DNAJC27: variants seen among roughly 807,000 people sequenced by gnomAD.
DNAJC27 encodes the protein dnaJ homolog subfamily C member 27.
Under a neutral mutation model 31.4 loss-of-function variants are expected in DNAJC27, and 25 were observed. The observed-to-expected ratio is 0.80, with a 90% CI of 0.58 to 1.11. The LOEUF (loss-of-function observed/expected upper bound fraction) is 1.11, where lower values mean the gene tolerates loss of function less well. Ranked by LOEUF, DNAJC27 falls within the 50% of genes most tolerant of loss-of-function variation. DNAJC27 has a pLI of 0.00. For synonymous variants in DNAJC27, 106 were observed against 112.7 expected, an observed-to-expected ratio of 0.94 and a Z score of 0.37; for missense variants, 356 against 347.3, an observed-to-expected ratio of 1.02 and a Z score of -0.20.
At chr2:24,955,678 G>C (rs574880801) in intron 5 of DNAJC27, among the ~76,000 whole-genome samples, 1 of 152,210 alleles carries the variant, frequency 6.6e-6, no homozygotes, top group South Asian at 2.1e-4. Context: ...AAGCAGCCAG[G>C]GGGTAAAAAG....
chr2:24,950,375 G>T (rs1665739224), intron 6 of DNAJC27, among the ~76,000 whole-genome samples: 1 of 152,108 alleles, frequency 6.6e-6, no homozygotes, highest in Non-Finnish European at 1.5e-5. Flanking sequence ...TGAAGTATGT[G>T]GGGGGAGTCT....
chr2:24,954,349 ACC>A (rs1665853776), intron 5 of DNAJC27, among the ~76,000 whole-genome samples: 2 of 152,264 alleles, frequency 1.3e-5, no homozygotes, highest in South Asian at 4.2e-4. Context: ...TATTGCCTTA[ACC>A]CCTCATTAAT....
rs774435283 is a variant in DNAJC27 at position 24,967,202 on chromosome 2, T to C, written c.170+9A>G. On this transcript the variant is annotated intron_variant, in intron 2 of 6. Transcript: ENST00000264711. ...GTAACTTACAAACCCAGGGAAACAATATACTTACTTTGTGACTCCATAGTC... is the reference window on the plus strand; with the variant it reads ...GTAACTTACAAACCCAGGGAAACAACATACTTACTTTGTGACTCCATAGTC... 21 of 1,607,420 alleles carry C rather than the reference T, an allele frequency of 1.3e-5. No individual in the cohort carries two copies. In the African/African-American group the frequency reaches 1.3e-4, roughly 10 times the overall value.
At position 24,957,155 on chromosome 2, in the gene DNAJC27, G is replaced by C; in HGVS notation, c.416C>G (p.Thr139Ser). ...FVVCANKIDC[T>S]KHRCVDESEG... ...ACTTTCATCTACACAGCGATGTTTGGTACAATCAATCTGAAATAGAAGGGG... is the reference window on the plus strand; with the variant it reads ...ACTTTCATCTACACAGCGATGTTTGCTACAATCAATCTGAAATAGAAGGGG... Residue 139 changes from threonine (T) to serine (S), a missense_variant, in exon 5 of 7, where the codon ACC (threonine) becomes AGC (serine). Coordinates refer to ENST00000264711, the MANE Select transcript of DNAJC27 (RefSeq NM_016544.3). The C allele has an allele frequency of 6.3e-7, 1 of 1,599,110 alleles. No homozygotes were observed. The highest frequency in any genetic ancestry group is 8.5e-7 in the Non-Finnish European group (1 of 1,175,186).
intron 5 of DNAJC27, among the ~76,000 whole-genome samples, chr2:24,956,280 T>G (rs1328537770): frequency 6.6e-6 from 1 of 152,224 alleles, no homozygotes. Context: ...AAAACTACAT[T>G]ATTCATGCTA....
intron 5 of DNAJC27, among the ~76,000 whole-genome samples, chr2:24,956,485 A>G (rs1262807267): frequency 2.0e-5 from 3 of 152,088 alleles, no homozygotes; most frequent in Non-Finnish European, 4.4e-5. Context: ...GACTGGATGG[A>G]GTCTATACTG....
rs151308563 is a variant in DNAJC27, at chr2:24,945,224, T to C, written c.*2392A>G. On this transcript the variant is annotated 3_prime_UTR_variant, in exon 7 of 7. Coordinates refer to ENST00000264711, the MANE Select transcript of DNAJC27 (RefSeq NM_016544.3). ...CAGAAAAATTCTAGGACCCTGAAGCTTAACTTGCTTATTTTATTCCTTTTA... is the reference window on the plus strand; with the variant it reads ...CAGAAAAATTCTAGGACCCTGAAGCCTAACTTGCTTATTTTATTCCTTTTA... The C allele has an allele frequency of 7.5e-4, 115 of 152,380 alleles. No individual in the cohort carries two copies. Among genetic ancestry groups the C allele is most frequent in the African/African-American group, 2.7e-3 (112 of 41,586 alleles). The allele number at this position is 152,380 out of a possible 1,614,324, so 9.4% of individuals were successfully genotyped here.
At chr2:24,971,717 G>A (rs7593743) in intron 1 of DNAJC27, 101 bp downstream of exon 1, 61,019 of 1,026,594 alleles carry the variant, frequency 0.059, 5,135 homozygotes, top group African/African-American at 0.37. Context: ...CGGGGGCGGA[G>A]AGGAGGCCGG....
chr2:24,969,405 G>A, intron 1 of DNAJC27: 1 of 184,434 alleles, frequency 5.4e-6, no homozygotes. Flanking sequence ...GACATCCAAG[G>A]AAGGTTTACC....
At chr2:24,950,027 T>C (rs1573107230) in intron 6 of DNAJC27, among the ~76,000 whole-genome samples, 1 of 131,520 alleles carries the variant, frequency 7.6e-6, no homozygotes, top group Non-Finnish European at 1.6e-5. Flanking sequence ...TGAAAAAAAA[T>C]AGGAAGACTC....
Position 24,947,750 on chromosome 2 carries a change from T to C in DNAJC27, c.690-2A>G. On this transcript the variant is annotated splice_acceptor_variant, in intron 6 of 6. Coordinates refer to ENST00000264711, the MANE Select transcript of DNAJC27 (RefSeq NM_016544.3). LOFTEE classifies it high-confidence loss of function. ...CGATACGCTTTATTGACTTCATCCC[T>C]GGGAAAAGAAGCCAAGATCTATGTT... 6.2e-7 allele frequency: 1 copy of C among 1,609,960 alleles called. No homozygotes were observed. Among genetic ancestry groups the C allele is most frequent in the African/African-American group, 1.3e-5 (1 of 74,854 alleles).
At chr2:24,947,853 AATT>A in intron 6 of DNAJC27, 105 bp from the exon 7 acceptor site, 2 of 1,286,500 alleles carry the variant, frequency 1.6e-6, no homozygotes, top group Admixed American at 4.9e-5. Context: ...ACATATCCTA[AATT>A]ATTACCCTTT....
At chr2:24,960,894 G>A (rs1400787672) in intron 3 of DNAJC27, among the ~76,000 whole-genome samples, 1 of 152,258 alleles carries the variant, frequency 6.6e-6, no homozygotes, top group East Asian at 1.9e-4. Flanking sequence ...TGCTGATGTA[G>A]TGCTGCAAGT....
intron 3 of DNAJC27, among the ~76,000 whole-genome samples, chr2:24,962,634 G>A (rs530294653): frequency 6.6e-6 from 1 of 152,280 alleles, no homozygotes; most frequent in Non-Finnish European, 1.5e-5. Flanking sequence ...TGAACTGAAT[G>A]AAAATGAAAA....
At chr2:24,961,613 A>G (rs558759889) in intron 3 of DNAJC27, among the ~76,000 whole-genome samples, 1 of 152,024 alleles carries the variant, frequency 6.6e-6, no homozygotes, top group Non-Finnish European at 1.5e-5. Flanking sequence ...CAACCTTAAC[A>G]AGAGTTTGGA....
intron 5 of DNAJC27, among the ~76,000 whole-genome samples, chr2:24,954,728 G>A (rs1390272010): frequency 4.6e-5 from 7 of 152,266 alleles, no homozygotes; most frequent in South Asian, 2.1e-4. Flanking sequence ...ACGAGATCAC[G>A]AGATCGAGAC....
At chr2:24,971,656 G>A in intron 1 of DNAJC27, 162 bp downstream of exon 1, 1 of 549,854 alleles carries the variant, frequency 1.8e-6, no homozygotes, top group Non-Finnish European at 3.2e-6. Flanking sequence ...CAAAAAGGTC[G>A]GGGAGTTTCG....
chr2:24,964,101 A>G (rs1390184968), intron 2 of DNAJC27, among the ~76,000 whole-genome samples: 1 of 152,174 alleles, frequency 6.6e-6, no homozygotes, highest in East Asian at 1.9e-4. Flanking sequence ...TCACCATTGG[A>G]AAATGATAAA....
At chr2:24,964,956 C>T (rs58048722) in intron 2 of DNAJC27, among the ~76,000 whole-genome samples, 65,302 of 151,828 alleles carry the variant, frequency 0.43, 16,926 homozygotes, top group Middle Eastern at 0.61. Flanking sequence ...ACCTGTAATC[C>T]GAACACTTTG....
Sources: gnomAD v4.1 joint callset for allele counts (sites outside exome capture counted in the v4.1 genomes callset) on GRCh38, gnomAD v4.1.1 for gene constraint, MANE v1.5 for transcripts, NCBI Gene and HGNC (gene_info 2026-07-23, HGNC 2026-07-21) for gene names.